Variants in PRSS3 observed in about 807,000 individuals in gnomAD.
PRSS3 encodes serine protease 3.
A neutral mutation model predicts 20.8 loss-of-function variants in PRSS3; 14 were observed. The ratio of observed to expected loss-of-function variants is 0.67; its 90% confidence interval spans 0.44 to 1.05. PRSS3 has a LOEUF of 1.05. PRSS3 is among the 50% of genes least tolerant of loss of function. PRSS3 has a pLI of 0.00. For missense variants in PRSS3, 237 were observed against 306.4 expected, an observed-to-expected ratio of 0.77 and a Z score of 1.69; for synonymous variants, 91 against 117.6, an observed-to-expected ratio of 0.77 and a Z score of 1.46.
intron 1 of PRSS3, among the ~76,000 whole-genome samples, chr9:33,753,344 C>G (rs1458681133): frequency 1.3e-5 from 2 of 151,772 alleles, no homozygotes; most frequent in Non-Finnish European, 2.9e-5. Flanking sequence ...TGTGGTTTTT[C>G]AAAGAAAAAA....
At position 33,796,641 on chromosome 9, in the gene PRSS3, A is replaced by C. The variant is rs759653940; in HGVS notation, c.41-2A>C. The C allele has an allele frequency of 1.1e-5, 18 of 1,613,934 alleles. No individual in the cohort carries two copies. Among genetic ancestry groups the C allele is most frequent in the South Asian group, 5.5e-5 (5 of 91,074 alleles). Reference sequence around the variant, plus strand: ...CCTTCTCCCTTCCTATTTCCACTCCAGTTGCTGTCCCCTTTGACGATGATG... The same window carrying C: ...CCTTCTCCCTTCCTATTTCCACTCCCGTTGCTGTCCCCTTTGACGATGATG... On this transcript the variant is annotated splice_acceptor_variant, in intron 1 of 4. Coordinates refer to ENST00000379405, the MANE Select transcript of PRSS3 (RefSeq NM_002771.4). LOFTEE classifies it high-confidence loss of function.
chr9:33,778,236 C>CATA (rs1824027538), intron 1 of PRSS3, among the ~76,000 whole-genome samples: 1 of 152,134 alleles, frequency 6.6e-6, no homozygotes, highest in African/African-American at 2.4e-5. Flanking sequence ...CAGCTTATGT[C>CATA]ACACTTAATG....
At chr9:33,780,958 C>T (rs1340792323) in intron 1 of PRSS3, among the ~76,000 whole-genome samples, 1 of 152,192 alleles carries the variant, frequency 6.6e-6, no homozygotes, top group Admixed American at 6.5e-5. Context: ...ACTCCACTGA[C>T]AGTGTTAGAC....
At chr9:33,794,840 G>A (rs1426720465), upstream of PRSS3, 6 of 1,550,752 alleles carry the variant, frequency 3.9e-6, no homozygotes, top group Admixed American at 9.8e-5. Context: ...GGGGAGGAGT[G>A]CGCCATTGGT....
chr9:33,795,389 G>A, upstream of PRSS3: 2 of 767,414 alleles, frequency 2.6e-6, no homozygotes, highest in Non-Finnish European at 4.3e-6. Context: ...TATCACCTGT[G>A]AATCACAAAC....
chr9:33,785,223 G>C (rs1376263357), intron 1 of PRSS3, among the ~76,000 whole-genome samples: 3 of 126,226 alleles, frequency 2.4e-5, no homozygotes, highest in East Asian at 2.2e-4. Flanking sequence ...TGTCGCCCAG[G>C]CTGGAGTGCA....
chr9:33,781,668 A>T (rs1353769772), intron 1 of PRSS3, among the ~76,000 whole-genome samples: 1 of 152,232 alleles, frequency 6.6e-6, no homozygotes, highest in Non-Finnish European at 1.5e-5. Context: ...TTTTAAAAAG[A>T]CTAAATATGT....
intron 4 of PRSS3, 38 bp downstream of exon 4, chr9:33,798,660 T>C: frequency 1.2e-6 from 2 of 1,613,050 alleles, no homozygotes; most frequent in Non-Finnish European, 8.5e-7. Context: ...CTCCCACCGA[T>C]ACCCAGGCCC....
At chr9:33,798,915 G>A in intron 4 of PRSS3, 113 bp from the exon 5 acceptor site, 1 of 1,388,532 alleles carries the variant, frequency 7.2e-7, no homozygotes, top group South Asian at 1.2e-5. Flanking sequence ...ACCGTGGGAA[G>A]GACGTGGAGC....
At chr9:33,758,487 G>A (rs1425325072) in intron 1 of PRSS3, among the ~76,000 whole-genome samples, 1 of 152,184 alleles carries the variant, frequency 6.6e-6, no homozygotes, top group Non-Finnish European at 1.5e-5. Context: ...CCAGGGACCT[G>A]GAGACTTGGC....
At chr9:33,758,060 T>G (rs1307753220) in intron 1 of PRSS3, among the ~76,000 whole-genome samples, 1 of 152,152 alleles carries the variant, frequency 6.6e-6, no homozygotes, top group Non-Finnish European at 1.5e-5. Context: ...TGGATTATTT[T>G]TTTCCTCATG....
At chr9:33,794,696 A>G (rs1470766287), upstream of PRSS3, 6 of 1,495,404 alleles carry the variant, frequency 4.0e-6, no homozygotes. Context: ...ATTCTGGTTC[A>G]GGCTGTCAGC....
At chr9:33,752,404 G>A (rs1822738435) in intron 1 of PRSS3, among the ~76,000 whole-genome samples, 1 of 152,202 alleles carries the variant, frequency 6.6e-6, no homozygotes, top group Non-Finnish European at 1.5e-5. Flanking sequence ...GGTGAGGACA[G>A]TTTCACCACA....
chr9:33,786,693 G>A (rs1824426231), intron 1 of PRSS3: 3 of 766,226 alleles, frequency 3.9e-6, no homozygotes, highest in African/African-American at 3.4e-5. Flanking sequence ...GCAAATCAGG[G>A]CTCTGAGGCC....
At chr9:33,785,271 G>A (rs1217243596) in intron 1 of PRSS3, among the ~76,000 whole-genome samples, 3 of 137,106 alleles carry the variant, frequency 2.2e-5, no homozygotes, top group Non-Finnish European at 4.6e-5. Context: ...TCCGCCTCCC[G>A]GGTTCACCCC....
At chr9:33,785,159 AATTTTTTTTTTTTT>A (rs1824338101) in intron 1 of PRSS3, among the ~76,000 whole-genome samples, 1 of 100,624 alleles carries the variant, frequency 9.9e-6, no homozygotes, top group Non-Finnish European at 1.9e-5. Context: ...CATTGTGGTC[AATTTTTTTTTTTTT>A]TTTTTTTTTT....
chr9:33,777,531 C>CAA (rs74180503), intron 1 of PRSS3, among the ~76,000 whole-genome samples: 14,260 of 101,600 alleles, frequency 0.14, 1,256 homozygotes, highest in African/African-American at 0.25. Flanking sequence ...CTAAAAATAC[C>CAA]AAAAAAAAAA....
At chr9:33,789,268 G>A (rs1357233526) in intron 1 of PRSS3, among the ~76,000 whole-genome samples, 2 of 152,130 alleles carry the variant, frequency 1.3e-5, no homozygotes, top group Non-Finnish European at 2.9e-5. Context: ...GGTTTTCTAA[G>A]AAATATTCAT....
intron 1 of PRSS3, chr9:33,786,515 T>G (rs1034507347): frequency 2.0e-5 from 15 of 757,762 alleles, no homozygotes; most frequent in African/African-American, 8.5e-5. Context: ...CATGAATATC[T>G]CTCTGGAACT....
Sources: allele counts gnomAD v4.1 joint callset (sites outside exome capture counted in the v4.1 genomes callset), GRCh38; gene constraint gnomAD v4.1.1; transcripts MANE v1.5; gene names NCBI Gene and HGNC (gene_info 2026-07-23, HGNC 2026-07-21).